THSD7B: variants seen among roughly 807,000 people sequenced by gnomAD.
The protein encoded by THSD7B is thrombospondin type 1 domain containing 7B.
THSD7B carries 138 observed loss-of-function variants against 213.6 expected under a neutral mutation model. The ratio of observed to expected loss-of-function variants is 0.65; its 90% CI spans 0.56 to 0.74. The LOEUF (loss-of-function observed/expected upper bound fraction) is 0.74. Ranked by LOEUF, THSD7B falls within the 30% of genes least tolerant of loss-of-function variation. The probability of loss-of-function intolerance (pLI) is 0.00; values close to 1 mark genes in which losing one functional copy is unlikely to be tolerated. For synonymous variants in THSD7B, 742 were observed against 687.0 expected, an observed-to-expected ratio of 1.08 and a Z score of -1.25; for missense variants, 1,931 against 1,991.5, an observed-to-expected ratio of 0.97 and a Z score of 0.58.
chr2:137,149,645 T>C (rs1020183499), intron 5 of THSD7B, among the ~76,000 whole-genome samples: 2 of 152,186 alleles, frequency 1.3e-5, no homozygotes, highest in African/African-American at 4.8e-5. Flanking sequence ...ACATGAGACA[T>C]GGAGTCGAAG....
At chr2:137,307,763 A>G (rs759902944) in intron 12 of THSD7B, among the ~76,000 whole-genome samples, 1 of 152,166 alleles carries the variant, frequency 6.6e-6, no homozygotes, top group Non-Finnish European at 1.5e-5. Flanking sequence ...TTGCACAAGC[A>G]TAAATTACGT....
At chr2:137,506,058 C>A (rs1679826533) in intron 15 of THSD7B, among the ~76,000 whole-genome samples, 2 of 152,144 alleles carry the variant, frequency 1.3e-5, no homozygotes, top group African/African-American at 4.8e-5. Flanking sequence ...GTTTGAAAAG[C>A]ACATCCCTGG....
chr2:137,240,266 C>T (rs1471521848), intron 9 of THSD7B, among the ~76,000 whole-genome samples: 2 of 152,210 alleles, frequency 1.3e-5, no homozygotes, highest in East Asian at 1.9e-4. Context: ...TGTGTTGGAA[C>T]ATTTTATCCC....
At chr2:136,887,907 G>A (rs1166348139) in intron 2 of THSD7B, among the ~76,000 whole-genome samples, 1 of 152,044 alleles carries the variant, frequency 6.6e-6, no homozygotes, top group Non-Finnish European at 1.5e-5. Flanking sequence ...ATCTGAAAAT[G>A]GATATTGATA....
At chr2:137,233,226 G>T (rs1681683398) in intron 9 of THSD7B, 93 bp downstream of exon 9, 2 of 1,187,908 alleles carry the variant, frequency 1.7e-6, no homozygotes, top group Admixed American at 2.1e-5. Context: ...ATATTTCTGG[G>T]TCTCTGATAG....
intron 1 of THSD7B, among the ~76,000 whole-genome samples, chr2:136,796,980 TCACACACACACACACA>T (rs58116447): frequency 0.047 from 6,935 of 146,938 alleles, 542 homozygotes; most frequent in African/African-American, 0.16. Context: ...TCATATTTGA[TCACACACACACACACA>T]CACACACACA....
chr2:137,491,927 G>A (rs1292579285), intron 15 of THSD7B, among the ~76,000 whole-genome samples: 1 of 151,850 alleles, frequency 6.6e-6, no homozygotes, highest in Non-Finnish European at 1.5e-5. Flanking sequence ...TAAACCATCA[G>A]TGATGTGTTG....
chr2:137,084,368 T>C (rs1240692036), intron 3 of THSD7B, among the ~76,000 whole-genome samples: 1 of 152,188 alleles, frequency 6.6e-6, no homozygotes, highest in East Asian at 1.9e-4. Flanking sequence ...CGATGAGTGG[T>C]AATTCACCTA....
intron 12 of THSD7B, among the ~76,000 whole-genome samples, chr2:137,306,290 T>C (rs960784292): frequency 6.6e-5 from 10 of 152,276 alleles, no homozygotes; most frequent in Admixed American, 5.9e-4. Flanking sequence ...CAGTCATTAA[T>C]GGACCAAAAA....
chr2:136,920,403 C>T (rs918840369), intron 2 of THSD7B, among the ~76,000 whole-genome samples: 2 of 152,150 alleles, frequency 1.3e-5, no homozygotes, highest in African/African-American at 4.8e-5. Flanking sequence ...AGAGAAGAGA[C>T]CTGTAATGGG....
chr2:137,655,975 G>GTTAA (rs1683228997), intron 22 of THSD7B, among the ~76,000 whole-genome samples: 1 of 152,134 alleles, frequency 6.6e-6, no homozygotes, highest in Non-Finnish European at 1.5e-5. Context: ...AAACTGTGAT[G>GTTAA]TTAATTCCGT....
intron 12 of THSD7B, among the ~76,000 whole-genome samples, chr2:137,293,563 T>C (rs1683389689): frequency 6.6e-6 from 1 of 152,106 alleles, no homozygotes; most frequent in Non-Finnish European, 1.5e-5. Flanking sequence ...TTAACCAGAA[T>C]TGGTTCTCTT....
rs564712503 is a variant in THSD7B at position 137,195,815 on chromosome 2, A to G, written c.1723+24877A>G. ...AGAATCATCAACGAATGTTGACACT[A>G]GTGGATGAAATTTTGACGAGGAACA... On this transcript the variant is annotated intron_variant, in intron 7 of 27. Coordinates refer to ENST00000409968, the MANE Select transcript of THSD7B (RefSeq NM_001316349.2). Among the ~76,000 whole-genome samples the G allele has an allele frequency of 9.2e-5, 14 of 152,284 alleles. No individual in the cohort carries two copies. The South Asian group carries it at 2.9e-3, about 32-fold the overall frequency.
At chr2:136,914,052 C>G (rs1684311141) in intron 2 of THSD7B, among the ~76,000 whole-genome samples, 1 of 152,200 alleles carries the variant, frequency 6.6e-6, no homozygotes, top group Non-Finnish European at 1.5e-5. Flanking sequence ...AGGCTGTACC[C>G]TTTAAAGCCA....
At chr2:137,228,966 T>A (rs892527195) in intron 7 of THSD7B, among the ~76,000 whole-genome samples, 3 of 152,208 alleles carry the variant, frequency 2.0e-5, no homozygotes, top group Admixed American at 2.0e-4. Context: ...CTCATAAAAG[T>A]ACCATTTCTG....
intron 2 of THSD7B, among the ~76,000 whole-genome samples, chr2:136,983,381 T>TCA (rs1685620491): frequency 7.0e-5 from 1 of 14,228 alleles, no homozygotes; most frequent in East Asian, 2.2e-3. Flanking sequence ...GCACACACAC[T>TCA]CACTCTCTCT....
At chr2:136,780,234 T>TTGGCACCAATG (rs1681714085) in intron 1 of THSD7B, among the ~76,000 whole-genome samples, 3 of 152,104 alleles carry the variant, frequency 2.0e-5, no homozygotes, top group African/African-American at 7.2e-5. Flanking sequence ...GCCTCATTGC[T>TTGGCACCAATG]GTGTTCTCTG....
intron 17 of THSD7B, among the ~76,000 whole-genome samples, chr2:137,603,483 A>G (rs1375800973): frequency 6.6e-6 from 1 of 152,188 alleles, no homozygotes; most frequent in Non-Finnish European, 1.5e-5. Flanking sequence ...TGTACTTGGA[A>G]GGTCTTAGTC....
intron 10 of THSD7B, among the ~76,000 whole-genome samples, chr2:137,247,615 C>T (rs1682069651): frequency 6.6e-6 from 1 of 152,138 alleles, no homozygotes; most frequent in African/African-American, 2.4e-5. Flanking sequence ...CTTTAACTTT[C>T]ATCTCTAAGG....
Sources: gnomAD v4.1 joint callset for allele counts (sites outside exome capture counted in the v4.1 genomes callset) on GRCh38, gnomAD v4.1.1 for gene constraint, MANE v1.5 for transcripts, NCBI Gene and HGNC (gene_info 2026-07-23, HGNC 2026-07-21) for gene names.